Variants in LRMDA observed in about 807,000 individuals in gnomAD.
LRMDA encodes leucine rich melanocyte differentiation associated, also known as leucine-rich melanocyte differentiation-associated protein.
LRMDA carries 18 observed loss-of-function variants against 29.8 expected under a neutral mutation model. The ratio of observed to expected loss-of-function variants is 0.60; its 90% CI spans 0.42 to 0.90. The LOEUF is 0.90. LRMDA is among the 40% of genes least tolerant of loss of function. LRMDA has a pLI of 0.00. For missense variants in LRMDA, 273 were observed against 273.9 expected (o/e 1.00, Z 0.02); for synonymous variants, 125 against 109.4 (o/e 1.14, Z -0.89).
At chr10:75,532,077 A>G (rs922480165) in intron 2 of LRMDA, among the ~76,000 whole-genome samples, 2 of 140,422 alleles carry the variant, frequency 1.4e-5, no homozygotes, top group African/African-American at 5.2e-5. Context: ...AAAAAAAAAA[A>G]GGAAAGAGCC....
At chr10:76,313,962 A>G (rs1396250876) in intron 5 of LRMDA, among the ~76,000 whole-genome samples, 2 of 152,172 alleles carry the variant, frequency 1.3e-5, no homozygotes, top group Non-Finnish European at 2.9e-5. Context: ...ATGACATAAG[A>G]AACTACTTTG....
intron 2 of LRMDA, among the ~76,000 whole-genome samples, chr10:75,501,551 G>A (rs142009476): frequency 5.6e-4 from 85 of 152,220 alleles, no homozygotes; most frequent in African/African-American, 1.7e-3. Context: ...GTTTGCTGGT[G>A]GCTTTTCCAT....
At chr10:76,513,097 A>G (rs2132353593) in intron 6 of LRMDA, among the ~76,000 whole-genome samples, 1 of 152,290 alleles carries the variant, frequency 6.6e-6, no homozygotes, top group East Asian at 1.9e-4. Context: ...ATATAGATCA[A>G]TGTAATAAAT....
chr10:75,638,962 G>A (rs1419163691), intron 2 of LRMDA, among the ~76,000 whole-genome samples: 1 of 152,182 alleles, frequency 6.6e-6, no homozygotes, highest in Non-Finnish European at 1.5e-5. Context: ...GTAAGCAAAA[G>A]TGAAGATTTT....
chr10:76,359,823 GATA>G (rs748137667), intron 6 of LRMDA, among the ~76,000 whole-genome samples: 13 of 152,108 alleles, frequency 8.5e-5, no homozygotes, highest in Non-Finnish European at 1.8e-4. Context: ...ATCAATTTTG[GATA>G]ATAATAGAAA....
At chr10:75,980,484 G>C (rs1288382505) in intron 2 of LRMDA, among the ~76,000 whole-genome samples, 1 of 152,208 alleles carries the variant, frequency 6.6e-6, no homozygotes, top group Non-Finnish European at 1.5e-5. Flanking sequence ...GTAAGGTTTG[G>C]TTGGGCCTCG....
At chr10:76,461,892 T>C (rs1174825290) in intron 6 of LRMDA, among the ~76,000 whole-genome samples, 1 of 151,844 alleles carries the variant, frequency 6.6e-6, no homozygotes, top group Non-Finnish European at 1.5e-5. Context: ...CTGGGCAACA[T>C]AGAGAAACCC....
intron 2 of LRMDA, among the ~76,000 whole-genome samples, chr10:75,858,126 G>A (rs1844858423): frequency 6.6e-6 from 1 of 152,142 alleles, no homozygotes; most frequent in Non-Finnish European, 1.5e-5. Flanking sequence ...GGCTGCCTAG[G>A]TGGGGCACAG....
In LRMDA at chr10:75,959,213, C is replaced by G. The variant is rs575522074; in HGVS notation, c.132-76795C>G. On this transcript the variant is annotated intron_variant, in intron 2 of 6. Coordinates refer to ENST00000611255, the MANE Select transcript of LRMDA (RefSeq NM_001305581.2). ...TAGAAGGTCCTCCCGCCCCATTTCC[C>G]CAGTCTTCATGGAGGAGCTGCTTGG... Among the ~76,000 whole-genome samples the G allele has an allele frequency of 2.0e-5, 3 of 152,266 alleles. No individual in the cohort carries two copies. In the South Asian group the frequency reaches 6.2e-4, roughly 32 times the overall value.
At chr10:75,467,121 G>A (rs1370828386) in intron 2 of LRMDA, among the ~76,000 whole-genome samples, 1 of 152,192 alleles carries the variant, frequency 6.6e-6, no homozygotes, top group Non-Finnish European at 1.5e-5. Flanking sequence ...GATGCATCAA[G>A]TACGACGACG....
chr10:76,226,738 A>G (rs1225034483), intron 5 of LRMDA, among the ~76,000 whole-genome samples: 3 of 152,194 alleles, frequency 2.0e-5, no homozygotes, highest in East Asian at 3.9e-4. Context: ...GGGTGGTGAC[A>G]CAGAGCCAAA....
intron 2 of LRMDA, among the ~76,000 whole-genome samples, chr10:75,703,248 T>C (rs1464276241): frequency 6.6e-6 from 1 of 152,208 alleles, no homozygotes; most frequent in East Asian, 1.9e-4. Context: ...TTCAACACGC[T>C]TTTCCCAGGA....
intron 2 of LRMDA, chr10:75,782,955 A>C (rs759031873): frequency 1.2e-6 from 2 of 1,613,786 alleles, no homozygotes. Context: ...TTTGAATGTC[A>C]ATATCTTTGC....
chr10:75,610,044 A>G (rs774752621), intron 2 of LRMDA, among the ~76,000 whole-genome samples: 3 of 152,184 alleles, frequency 2.0e-5, no homozygotes, highest in Non-Finnish European at 4.4e-5. Flanking sequence ...GGTAAATTAC[A>G]GCTTCCGAAC....
chr10:76,135,525 C>T (rs1850077934), intron 5 of LRMDA, among the ~76,000 whole-genome samples: 1 of 152,162 alleles, frequency 6.6e-6, no homozygotes, highest in East Asian at 1.9e-4. Flanking sequence ...TGTAACAAAG[C>T]ACAACCAACT....
At chr10:76,107,430 A>T (rs1849505534) in intron 5 of LRMDA, among the ~76,000 whole-genome samples, 1 of 152,084 alleles carries the variant, frequency 6.6e-6, no homozygotes, top group Non-Finnish European at 1.5e-5. Context: ...TCTCCTACTT[A>T]GTCTTGGCCT....
intron 2 of LRMDA, among the ~76,000 whole-genome samples, chr10:75,675,328 T>C (rs924737981): frequency 1.6e-4 from 25 of 152,224 alleles, no homozygotes; most frequent in African/African-American, 6.0e-4. Context: ...TCTTATGGTA[T>C]GTTTTCTTCA....
intron 6 of LRMDA, among the ~76,000 whole-genome samples, chr10:76,526,221 A>G (rs1467538397): frequency 6.6e-6 from 1 of 152,214 alleles, no homozygotes; most frequent in Non-Finnish European, 1.5e-5. Context: ...ACTGAAATGC[A>G]TAGGCATTAA....
intron 2 of LRMDA, among the ~76,000 whole-genome samples, chr10:76,030,949 T>C (rs1441195311): frequency 6.6e-6 from 1 of 152,184 alleles, no homozygotes; most frequent in Non-Finnish European, 1.5e-5. Flanking sequence ...TTGTGGGAAG[T>C]TGATATACAG....
Sources: gnomAD v4.1 joint callset for allele counts (sites outside exome capture counted in the v4.1 genomes callset) on GRCh38, gnomAD v4.1.1 for gene constraint, MANE v1.5 for transcripts, NCBI Gene and HGNC (gene_info 2026-07-23, HGNC 2026-07-21) for gene names.